HSPA12A: variants seen among roughly 807,000 people sequenced by gnomAD.
HSPA12A encodes the protein heat shock protein family A (Hsp70) member 12A.
A neutral mutation model predicts 69.2 loss-of-function variants in HSPA12A; 28 were observed. The ratio of observed to expected loss-of-function variants is 0.40; its 90% CI spans 0.30 to 0.55. HSPA12A has a LOEUF of 0.55. Among genes scored for constraint, HSPA12A ranks in the 20% least tolerant of loss-of-function variants. The pLI, the probability that HSPA12A is intolerant of heterozygous loss-of-function variation, is 0.38. For missense variants in HSPA12A, 686 were observed against 900.7 expected (o/e 0.76, Z 3.05); for synonymous variants, 345 against 370.5 (o/e 0.93, Z 0.79).
At chr10:116,705,345 G>C (rs1183796212) in intron 2 of HSPA12A, 67 bp from the exon 3 acceptor site, 2 of 1,572,412 alleles carry the variant, frequency 1.3e-6, no homozygotes, top group Non-Finnish European at 1.7e-6. Context: ...AGACACCCCT[G>C]GGGGGTCTCA....
At chr10:116,708,939 G>C (rs1369428157) in intron 1 of HSPA12A, among the ~76,000 whole-genome samples, 1 of 152,196 alleles carries the variant, frequency 6.6e-6, no homozygotes, top group East Asian at 1.9e-4. Context: ...AGCATTGCTA[G>C]TGGGAATATA....
At chr10:116,839,302 G>A (rs1845765802) in intron 1 of HSPA12A, among the ~76,000 whole-genome samples, 1 of 152,180 alleles carries the variant, frequency 6.6e-6, no homozygotes, top group South Asian at 2.1e-4. Context: ...CATTACTGAA[G>A]CTGCATGAGC....
At chr10:116,794,069 G>T (rs1176854001) in intron 2 of HSPA12A, among the ~76,000 whole-genome samples, 1 of 152,038 alleles carries the variant, frequency 6.6e-6, no homozygotes, top group Non-Finnish European at 1.5e-5. Context: ...CAGGCGTGGT[G>T]GTGGGCGCCT....
rs79300208 is a variant in HSPA12A, at chr10:116,813,115, G to A, written c.91+21820C>T. ...ATGCCCTGATGAACTCTCTGGGTTC[G>A]AGTGGAGGACCTGGAAGGCTACAAC... On this transcript the variant is annotated intron_variant, in intron 2 of 12. Transcript: ENST00000635765. Among the ~76,000 whole-genome samples, 287 of 152,256 alleles carry A rather than the reference G, an allele frequency of 1.9e-3. 1 individual carries two copies. The highest frequency in any genetic ancestry group is 6.6e-3 in the African/African-American group (274 of 41,538).
At chr10:116,818,608 G>T (rs574749735) in intron 2 of HSPA12A, among the ~76,000 whole-genome samples, 30 of 152,210 alleles carry the variant, frequency 2.0e-4, no homozygotes, top group African/African-American at 6.7e-4. Context: ...GTGACGTATG[G>T]AAGGGGGACA....
chr10:116,741,330 G>A (rs1851498658), intron 1 of HSPA12A, among the ~76,000 whole-genome samples: 1 of 152,256 alleles, frequency 6.6e-6, no homozygotes, highest in African/African-American at 2.4e-5. Context: ...GCTGCCACTG[G>A]ACTCAGTTTC....
At chr10:116,840,415 G>A (rs1171428234) in intron 1 of HSPA12A, among the ~76,000 whole-genome samples, 5 of 152,070 alleles carry the variant, frequency 3.3e-5, no homozygotes, top group Non-Finnish European at 7.4e-5. Flanking sequence ...TAAAATAAAA[G>A]TTATAGTCCT....
chr10:116,818,798 G>A (rs189828568), intron 2 of HSPA12A, among the ~76,000 whole-genome samples: 214 of 152,312 alleles, frequency 1.4e-3, no homozygotes, highest in African/African-American at 4.8e-3. Context: ...TTCCATCAGT[G>A]AGTGTAAAAA....
intron 1 of HSPA12A, among the ~76,000 whole-genome samples, chr10:116,735,623 G>T (rs1171949380): frequency 6.6e-6 from 1 of 152,170 alleles, no homozygotes; most frequent in African/African-American, 2.4e-5. Context: ...TCAGAGTGTT[G>T]CAGTCACATA....
In HSPA12A at chr10:116,680,386, G is replaced by T. The variant is rs538186378; in HGVS notation, c.1028-625C>A. On this transcript the variant is annotated intron_variant, in intron 9 of 11. Transcript: ENST00000369209. Reference sequence around the variant, plus strand: ...TTCCAATCCAAGACATCCAAGGGCGGGGGCTGGAAAATCAGCAGGCCTGGT... The same window carrying T: ...TTCCAATCCAAGACATCCAAGGGCGTGGGCTGGAAAATCAGCAGGCCTGGT... Among the ~76,000 whole-genome samples the T allele has an allele frequency of 2.6e-5, 4 of 152,312 alleles. No homozygotes were observed. The South Asian group carries it at 8.3e-4, about 32-fold the overall frequency.
chr10:116,682,867 A>ATTTTTTTTTTTTTT (rs60393392), intron 7 of HSPA12A, among the ~76,000 whole-genome samples: 85 of 117,696 alleles, frequency 7.2e-4, no homozygotes, highest in African/African-American at 2.9e-3. Flanking sequence ...CGCCCGGCTA[A>ATTTTTTTTTTTTTT]TTTTTTTTTT....
chr10:116,818,924 C>T (rs1264369305), intron 2 of HSPA12A, among the ~76,000 whole-genome samples: 1 of 152,136 alleles, frequency 6.6e-6, no homozygotes, highest in African/African-American at 2.4e-5. Context: ...ACCCTTCCTG[C>T]TTCCAGGCTT....
intron 6 of HSPA12A, among the ~76,000 whole-genome samples, chr10:116,689,634 CAGACAGAT>C (rs1475452647): frequency 3.3e-5 from 5 of 151,258 alleles, no homozygotes; most frequent in African/African-American, 1.2e-4. Context: ...GACAGACAGA[CAGACAGAT>C]AGATAATTAT....
chr10:116,700,262 A>C (rs1483343767), intron 4 of HSPA12A, among the ~76,000 whole-genome samples: 1 of 152,202 alleles, frequency 6.6e-6, no homozygotes, highest in Admixed American at 6.5e-5. Flanking sequence ...ACAGTTAAGG[A>C]AACTTTATGG....
At chr10:116,776,615 ATTATTG>A (rs1340754619) in intron 2 of HSPA12A, among the ~76,000 whole-genome samples, 1 of 152,216 alleles carries the variant, frequency 6.6e-6, no homozygotes, top group Non-Finnish European at 1.5e-5. Flanking sequence ...CAACGAATTT[ATTATTG>A]TAGCAGAATC....
chr10:116,679,539 C>T lies in HSPA12A; in HGVS notation c.1250G>A (p.Arg417His), dbSNP rs782219344. The T allele has an allele frequency of 3.7e-6, 6 of 1,614,170 alleles. No individual in the cohort carries two copies. The highest frequency in any genetic ancestry group is 2.2e-5 in the East Asian group (1 of 44,882). ...CAAGGCGTGCTCCACACTGTGCCCGCGGAACTTCTTGTAGTAGTCAATGAA... is the reference window on the plus strand; with the variant it reads ...CAAGGCGTGCTCCACACTGTGCCCGTGGAACTTCTTGTAGTAGTCAATGAA... Reference protein sequence around the residue: ...FSFIDYYKKFRGHSVEHALRK... With the variant: ...FSFIDYYKKFHGHSVEHALRK... The change falls in exon 10 of 12, where the codon CGC becomes CAC. Residue 417 changes from arginine to histidine, a missense_variant. Arg to His is a conservative substitution (Grantham distance 29). Transcript: ENST00000369209.
intron 2 of HSPA12A, among the ~76,000 whole-genome samples, chr10:116,796,145 CAA>C (rs10522145): frequency 8.1e-5 from 9 of 110,700 alleles, no homozygotes; most frequent in African/African-American, 4.1e-4. Context: ...AAGACTCCAT[CAA>C]AAAAAAAAAA....
chr10:116,732,787 G>A (rs73385592), intron 1 of HSPA12A, among the ~76,000 whole-genome samples: 38,239 of 152,132 alleles, frequency 0.25, 5,084 homozygotes, highest in East Asian at 0.28. Context: ...TCCTTGTGCC[G>A]TCTCTGAGTG....
At chr10:116,793,890 A>G (rs1413572056) in intron 2 of HSPA12A, among the ~76,000 whole-genome samples, 3 of 152,056 alleles carry the variant, frequency 2.0e-5, no homozygotes, top group Non-Finnish European at 2.9e-5. Context: ...TAACATATCA[A>G]TAATTACAAT....
Sources: allele counts gnomAD v4.1 joint callset (sites outside exome capture counted in the v4.1 genomes callset), GRCh38; gene constraint gnomAD v4.1.1; transcripts MANE v1.5; gene names NCBI Gene and HGNC (gene_info 2026-07-23, HGNC 2026-07-21).